PHACTR1: variants seen among roughly 807,000 people sequenced by gnomAD.
PHACTR1 encodes the protein phosphatase and actin regulator 1, also known as RPEL repeat containing 1.
Under a neutral mutation model 69.2 loss-of-function variants are expected in PHACTR1, and 16 were observed. That is an observed-to-expected ratio of 0.23 (90% confidence interval 0.16 to 0.35). The LOEUF (loss-of-function observed/expected upper bound fraction) is 0.35, where lower values mean the gene tolerates loss of function less well. PHACTR1 is among the 10% of genes least tolerant of loss of function. PHACTR1 has a pLI of 1.00. For synonymous variants in PHACTR1, 312 were observed against 284.5 expected (o/e 1.10, Z -0.97); for missense variants, 510 against 734.7 (o/e 0.69, Z 3.54).
chr6:12,979,249 T>C (rs991077753), intron 4 of PHACTR1, among the ~76,000 whole-genome samples: 1 of 152,322 alleles, frequency 6.6e-6, no homozygotes, highest in Middle Eastern at 3.4e-3. Flanking sequence ...AAAGTTTACC[T>C]GGCCCCTTAT....
intron 4 of PHACTR1, among the ~76,000 whole-genome samples, chr6:12,763,285 A>G (rs1369527881): frequency 6.6e-6 from 1 of 152,228 alleles, no homozygotes; most frequent in Non-Finnish European, 1.5e-5. Flanking sequence ...GACAACATGT[A>G]TTAAGTCTAA....
chr6:12,797,432 TATGGGAC>T (rs1486162505), intron 4 of PHACTR1, among the ~76,000 whole-genome samples: 1 of 152,184 alleles, frequency 6.6e-6, no homozygotes, highest in East Asian at 1.9e-4. Flanking sequence ...TGGCTCTACC[TATGGGAC>T]ATGCAAGTGG....
At chr6:13,014,438 A>G (rs1799873130) in intron 4 of PHACTR1, among the ~76,000 whole-genome samples, 1 of 152,102 alleles carries the variant, frequency 6.6e-6, no homozygotes, top group South Asian at 2.1e-4. Flanking sequence ...GGCTTAGGGG[A>G]TTTGTCGGTA....
At chr6:12,786,378 C>A (rs990278626) in intron 4 of PHACTR1, among the ~76,000 whole-genome samples, 3 of 152,154 alleles carry the variant, frequency 2.0e-5, no homozygotes, top group African/African-American at 7.2e-5. Flanking sequence ...AAATTCAGAT[C>A]TTTTGTTAAC....
At chr6:12,746,596 A>C (rs1339082570) in intron 3 of PHACTR1, among the ~76,000 whole-genome samples, 2 of 152,232 alleles carry the variant, frequency 1.3e-5, no homozygotes, top group South Asian at 2.1e-4. Context: ...TTTTGTCAAA[A>C]GTTTAGCTAT....
At chr6:12,721,152 G>A (rs1050479183) in intron 3 of PHACTR1, among the ~76,000 whole-genome samples, 6 of 152,296 alleles carry the variant, frequency 3.9e-5, no homozygotes, top group South Asian at 2.1e-4. Flanking sequence ...TTGGGAAGCC[G>A]AGGCGGGTGG....
intron 5 of PHACTR1, among the ~76,000 whole-genome samples, chr6:13,089,290 A>G (rs969647749): frequency 6.6e-6 from 1 of 152,190 alleles, no homozygotes; most frequent in East Asian, 1.9e-4. Context: ...CCATCTGGGC[A>G]GAGAACCCAG....
At chr6:12,952,773 G>C (rs1001096880) in intron 4 of PHACTR1, among the ~76,000 whole-genome samples, 3 of 152,170 alleles carry the variant, frequency 2.0e-5, no homozygotes, top group African/African-American at 7.2e-5. Context: ...GTTTAGTTTT[G>C]TAAGAAATTT....
At chr6:12,720,129 C>T (rs970057139) in intron 3 of PHACTR1, among the ~76,000 whole-genome samples, 1 of 151,972 alleles carries the variant, frequency 6.6e-6, no homozygotes, top group Non-Finnish European at 1.5e-5. Context: ...TCTGGGTCTG[C>T]AAGTAAGAAA....
intron 4 of PHACTR1, among the ~76,000 whole-genome samples, chr6:12,970,930 A>G (rs1010280560): frequency 3.9e-5 from 6 of 152,244 alleles, no homozygotes; most frequent in Non-Finnish European, 8.8e-5. Flanking sequence ...ATGTGCATGA[A>G]CCAAAGGCTG....
At chr6:12,845,429 AC>A (rs1214194071) in intron 4 of PHACTR1, among the ~76,000 whole-genome samples, 182 of 18,044 alleles carry the variant, frequency 0.01, 6 homozygotes, top group African/African-American at 0.036. Flanking sequence ...AACACCACCC[AC>A]CCCCCCCCCC....
chr6:12,987,044 T>TAC (rs199773219), intron 4 of PHACTR1, among the ~76,000 whole-genome samples: 2 of 152,282 alleles, frequency 1.3e-5, no homozygotes, highest in Admixed American at 6.5e-5. Flanking sequence ...ACAATTGGAA[T>TAC]ATATATATCC....
At chr6:12,976,785 T>C (rs888541219) in intron 4 of PHACTR1, among the ~76,000 whole-genome samples, 1 of 152,210 alleles carries the variant, frequency 6.6e-6, no homozygotes, top group African/African-American at 2.4e-5. Context: ...ATCTCAGTCA[T>C]CAGATCAACT....
At chr6:12,849,439 T>C (rs577016886) in intron 4 of PHACTR1, among the ~76,000 whole-genome samples, 1 of 152,282 alleles carries the variant, frequency 6.6e-6, no homozygotes, top group African/African-American at 2.4e-5. Flanking sequence ...GAAAGCAGCT[T>C]CAGGCCGAAC....
chr6:13,131,585 A>G (rs964478979), intron 5 of PHACTR1, among the ~76,000 whole-genome samples: 1 of 152,172 alleles, frequency 6.6e-6, no homozygotes, highest in Non-Finnish European at 1.5e-5. Flanking sequence ...CTGTTACCCA[A>G]AAACAATTGA....
chr6:13,227,800 CCTT>C lies in PHACTR1; in HGVS notation c.987-15_987-13del. ...AGCCAAAGTGAATTTCCTCTTTCCT[CCTT>C]GTCTTTAAACAGCTCTGAGCAGCGG... On this transcript the variant is annotated splice_polypyrimidine_tract_variant and intron_variant, in intron 8 of 14. Transcript: ENST00000332995. The C allele has an allele frequency of 6.2e-7, 1 of 1,607,620 alleles. No homozygotes were observed. Among genetic ancestry groups the C allele is most frequent in the Non-Finnish European group, 8.5e-7 (1 of 1,175,746 alleles).
At chr6:12,883,894 C>T (rs570735866) in intron 4 of PHACTR1, among the ~76,000 whole-genome samples, 1 of 152,182 alleles carries the variant, frequency 6.6e-6, no homozygotes, top group African/African-American at 2.4e-5. Flanking sequence ...ATATGTATTT[C>T]TTCATCTGCC....
At chr6:12,776,288 T>C (rs1251344610) in intron 4 of PHACTR1, among the ~76,000 whole-genome samples, 1 of 152,244 alleles carries the variant, frequency 6.6e-6, no homozygotes, top group Non-Finnish European at 1.5e-5. Flanking sequence ...TTTTCTGTTG[T>C]CTTAACACAC....
At chr6:12,803,846 A>G (rs1311582209) in intron 4 of PHACTR1, among the ~76,000 whole-genome samples, 2 of 152,222 alleles carry the variant, frequency 1.3e-5, no homozygotes, top group Non-Finnish European at 2.9e-5. Flanking sequence ...TTCTTCAGAC[A>G]TTGACAAGTG....
Sources: allele counts gnomAD v4.1 joint callset (sites outside exome capture counted in the v4.1 genomes callset), GRCh38; gene constraint gnomAD v4.1.1; transcripts MANE v1.5; gene names NCBI Gene and HGNC (gene_info 2026-07-23, HGNC 2026-07-21).